DYRK1A: variants seen among roughly 807,000 people sequenced by gnomAD.
DYRK1A encodes the protein dual specificity tyrosine phosphorylation regulated kinase 1A.
Under a neutral mutation model 79.7 loss-of-function variants are expected in DYRK1A, and 9 were observed. The observed-to-expected ratio is 0.11, with a 90% CI of 0.07 to 0.20. The LOEUF (loss-of-function observed/expected upper bound fraction) is 0.20. DYRK1A is among the 10% of genes least tolerant of loss of function. DYRK1A has a pLI of 1.00. For missense variants in DYRK1A, 622 were observed against 956.0 expected (o/e 0.65, Z 4.61); for synonymous variants, 349 against 329.7 (o/e 1.06, Z -0.63).
intron 1 of DYRK1A, among the ~76,000 whole-genome samples, chr21:37,404,960 T>C (rs1366379308): frequency 6.6e-6 from 1 of 152,156 alleles, no homozygotes; most frequent in African/African-American, 2.4e-5. Flanking sequence ...TATAAGCAAG[T>C]ATCCAGCGTC....
intron 1 of DYRK1A, among the ~76,000 whole-genome samples, chr21:37,396,064 T>C (rs1049104187): frequency 1.3e-5 from 2 of 152,200 alleles, no homozygotes; most frequent in African/African-American, 4.8e-5. Context: ...TGTATCTGTT[T>C]TCTGTGTAGT....
rs1245905666 is a variant in DYRK1A, at chr21:37,403,648, AATAT to A, written c.-76-16638_-76-16635del. Among the ~76,000 whole-genome samples the A allele has an allele frequency of 3.2e-3, 271 of 84,616 alleles. 5 individuals are homozygous for A. The highest frequency in any genetic ancestry group is 0.024 in the Admixed American group (212 of 8,718). The allele number at this position is 84,616 out of a possible 152,430, so 55.5% of individuals were successfully genotyped here. On this transcript the variant is annotated intron_variant, in intron 1 of 11. Coordinates refer to ENST00000647188, the MANE Select transcript of DYRK1A (RefSeq NM_001347721.2). ...GCTCAGCTAATTAAAAAAAAAAAAA[AATAT>A]ATATATATATATGTGTGTGTGTGTG...
intron 2 of DYRK1A, among the ~76,000 whole-genome samples, chr21:37,463,633 A>T (rs923896327): frequency 1.3e-5 from 2 of 152,132 alleles, no homozygotes; most frequent in African/African-American, 4.8e-5. Flanking sequence ...TTGCACAGAT[A>T]TTTATTGAAT....
At chr21:37,426,064 G>A (rs1389931602) in intron 2 of DYRK1A, among the ~76,000 whole-genome samples, 2 of 152,160 alleles carry the variant, frequency 1.3e-5, no homozygotes, top group Admixed American at 1.3e-4. Context: ...TCCATTCCCA[G>A]TCAAAGCCCT....
chr21:37,413,856 C>G (rs1020011626), intron 1 of DYRK1A, among the ~76,000 whole-genome samples: 6 of 152,110 alleles, frequency 3.9e-5, no homozygotes, highest in African/African-American at 1.4e-4. Context: ...CTTCATGGCT[C>G]TTGGTGTTTT....
chr21:37,512,066 TCAC>T lies in DYRK1A; in HGVS notation c.1815_1817del (p.His610del), dbSNP rs760576043. 3.5e-5 allele frequency: 56 copies of T among 1,613,640 alleles called. No individual in the cohort carries two copies. Among genetic ancestry groups the T allele is most frequent in the Non-Finnish European group, 4.4e-5 (52 of 1,179,860 alleles). ...ACCATGGTAACAGTTCCCATCACCA[TCAC>T]CACCACCACCACCATCACCACCACC... On this transcript the variant is annotated inframe_deletion, in exon 12 of 12. Coordinates refer to ENST00000647188, the MANE Select transcript of DYRK1A (RefSeq NM_001347721.2).
At chr21:37,453,473 A>G (rs963360986) in intron 2 of DYRK1A, among the ~76,000 whole-genome samples, 11 of 151,952 alleles carry the variant, frequency 7.2e-5, no homozygotes, top group Non-Finnish European at 2.9e-5. Flanking sequence ...ACAGTGAGGC[A>G]GGAGCATATT....
At chr21:37,398,480 A>G (rs2148397273) in intron 1 of DYRK1A, among the ~76,000 whole-genome samples, 1 of 152,322 alleles carries the variant, frequency 6.6e-6, no homozygotes, top group Non-Finnish European at 1.5e-5. Context: ...TAATAGGTAA[A>G]ACCCTAGGCT....
chr21:37,401,505 A>C (rs564171053), intron 1 of DYRK1A, among the ~76,000 whole-genome samples: 90 of 145,474 alleles, frequency 6.2e-4, no homozygotes, highest in Non-Finnish European at 1.1e-3. Flanking sequence ...TTTGGGAGAC[A>C]GAGTTTCGCT....
chr21:37,404,221 G>T (rs964121706), intron 1 of DYRK1A, among the ~76,000 whole-genome samples: 15 of 152,308 alleles, frequency 9.8e-5, no homozygotes, highest in South Asian at 8.3e-4. Context: ...TGGAGGCTGA[G>T]CAGTCATAAG....
chr21:37,477,196 T>C, intron 3 of DYRK1A, among the ~76,000 whole-genome samples: 1 of 152,166 alleles, frequency 6.6e-6, no homozygotes, highest in East Asian at 1.9e-4. Flanking sequence ...CCCCTCCGAT[T>C]GACCCGAGTG....
chr21:37,416,157 G>A (rs961170154), intron 1 of DYRK1A, among the ~76,000 whole-genome samples: 76 of 152,238 alleles, frequency 5.0e-4, no homozygotes, highest in African/African-American at 1.8e-3. Flanking sequence ...CTACCTACTC[G>A]TAGGGCTGTC....
chr21:37,524,535 G>C lies in DYRK1A; in HGVS notation c.*12004G>C, dbSNP rs989859772. The C allele has an allele frequency of 6.6e-6, 1 of 152,208 alleles. No individual in the cohort carries two copies. Among genetic ancestry groups the C allele is most frequent in the Non-Finnish European group, 1.5e-5 (1 of 68,030 alleles). The allele number at this position is 152,208 out of a possible 1,614,324, so 9.4% of individuals were successfully genotyped here. ...TTGATTACTGCAGCTGAAGAAACAT[G>C]CTCAGAGAAAGTAAACTTGTTTATT... is the stretch of plus-strand genomic sequence containing the variant. On this transcript the variant is annotated 3_prime_UTR_variant, in exon 12 of 12. Coordinates refer to ENST00000647188, the MANE Select transcript of DYRK1A (RefSeq NM_001347721.2).
chr21:37,376,952 A>AT (rs2049555217), intron 1 of DYRK1A, among the ~76,000 whole-genome samples: 2 of 152,170 alleles, frequency 1.3e-5, no homozygotes, highest in Non-Finnish European at 2.9e-5. Context: ...AATTATATAT[A>AT]TTATACTTTT....
intron 6 of DYRK1A, chr21:37,487,183 T>C (rs141569040): frequency 1.3e-5 from 2 of 152,312 alleles, no homozygotes; most frequent in South Asian, 2.1e-4. Flanking sequence ...AGCAGTCTTA[T>C]AAGGAAGATG....
At chr21:37,434,936 A>G (rs2050881020) in intron 2 of DYRK1A, among the ~76,000 whole-genome samples, 1 of 152,204 alleles carries the variant, frequency 6.6e-6, no homozygotes, top group Non-Finnish European at 1.5e-5. Context: ...GTAGGTGGGG[A>G]AAAAAGTTGA....
chr21:37,496,673 A>G (rs77758197), intron 9 of DYRK1A, among the ~76,000 whole-genome samples: 7 of 152,084 alleles, frequency 4.6e-5, no homozygotes, highest in Non-Finnish European at 8.8e-5. Context: ...TCAGTTGGTA[A>G]ATTATGTCAG....
intron 3 of DYRK1A, among the ~76,000 whole-genome samples, chr21:37,475,832 T>G (rs8132830): frequency 0.88 from 134,303 of 152,212 alleles, 59,499 homozygotes; most frequent in East Asian, 1. Context: ...TGGTGTTTTT[T>G]AGTGAGCATC....
intron 2 of DYRK1A, among the ~76,000 whole-genome samples, chr21:37,449,067 C>T (rs1195042841): frequency 1.3e-5 from 2 of 152,076 alleles, no homozygotes; most frequent in African/African-American, 4.8e-5. Flanking sequence ...TACCTCTTCT[C>T]CAAGAAAAAA....
Sources: gnomAD v4.1 joint callset for allele counts (sites outside exome capture counted in the v4.1 genomes callset) on GRCh38, gnomAD v4.1.1 for gene constraint, MANE v1.5 for transcripts, NCBI Gene and HGNC (gene_info 2026-07-23, HGNC 2026-07-21) for gene names.